The following PRDM15 variants were observed in gnomAD, a reference collection of about 807,000 sequenced individuals.
PRDM15 encodes the protein PR domain zinc finger protein 15.
A neutral mutation model predicts 128.6 loss-of-function variants in PRDM15; 64 were observed. That is an observed-to-expected ratio of 0.50 (90% CI 0.41 to 0.61). The LOEUF is 0.61. Ranked by LOEUF, PRDM15 falls within the 20% of genes least tolerant of loss-of-function variation. PRDM15 has a pLI of 0.00. For missense variants in PRDM15, 1,242 were observed against 1,569.1 expected (o/e 0.79, Z 3.52); for synonymous variants, 615 against 621.8 (o/e 0.99, Z 0.16).
Position 41,823,466 on chromosome 21 carries a change from G to A in PRDM15, c.1630-17C>T, listed in dbSNP as rs187069760. On this transcript the variant is annotated splice_polypyrimidine_tract_variant and intron_variant, in intron 13 of 23. Coordinates refer to ENST00000398548, the MANE Select transcript of PRDM15 (RefSeq NM_001040424.3). ...GGAGAACACCTGTGGCAGAGGAGCCGCATGGTGAGGGGCTGCGGCGTCTCG... is the reference window on the plus strand; with the variant it reads ...GGAGAACACCTGTGGCAGAGGAGCCACATGGTGAGGGGCTGCGGCGTCTCG... 37 of 1,546,850 alleles carry A rather than the reference G, an allele frequency of 2.4e-5. No homozygotes were observed. In the East Asian group the frequency reaches 4.2e-4, roughly 18 times the overall value.
intron 1 of PRDM15, among the ~76,000 whole-genome samples, chr21:41,875,320 C>T (rs1166916680): frequency 6.6e-6 from 1 of 152,280 alleles, no homozygotes; most frequent in Non-Finnish European, 1.5e-5. Context: ...GGCGGCCCCT[C>T]GCCCTGCCAG....
intron 7 of PRDM15, among the ~76,000 whole-genome samples, chr21:41,838,655 C>T (rs368385683): frequency 3.9e-5 from 6 of 152,226 alleles, no homozygotes; most frequent in South Asian, 2.1e-4. Context: ...CTACCTGACA[C>T]GCTTTCCCCC....
chr21:41,867,489 G>A (rs2064053129), intron 1 of PRDM15: 1 of 846,842 alleles, frequency 1.2e-6, no homozygotes, highest in Non-Finnish European at 1.9e-6. Flanking sequence ...CTGGAGCGCA[G>A]TGGTTTTTCA....
chr21:41,823,539 C>T (rs1391910101), intron 13 of PRDM15, 90 bp from the exon 14 acceptor site: 1 of 1,421,204 alleles, frequency 7.0e-7, no homozygotes, highest in Non-Finnish European at 9.4e-7. Context: ...AAACCACAAC[C>T]CGGGACGGAA....
chr21:41,853,370 G>C (rs927866149), intron 5 of PRDM15, among the ~76,000 whole-genome samples: 2 of 152,278 alleles, frequency 1.3e-5, no homozygotes, highest in Admixed American at 6.5e-5. Context: ...AACAATGCTC[G>C]TATGAGAATC....
chr21:41,838,076 G>T lies in PRDM15; in HGVS notation c.872-13C>A. ...TCTGCCACTTGCTCTGTACGAAGGG[G>T]ATGTGACAAGCTAAGTAACCACAAG... On this transcript the variant is annotated splice_polypyrimidine_tract_variant and intron_variant, in intron 7 of 23. Coordinates refer to ENST00000398548, the MANE Select transcript of PRDM15 (RefSeq NM_001040424.3). 1.2e-6 allele frequency: 2 copies of T among 1,612,950 alleles called. No individual in the cohort carries two copies. Among genetic ancestry groups the T allele is most frequent in the Non-Finnish European group, 1.7e-6 (2 of 1,179,494 alleles).
At chr21:41,874,502 C>CATATAT (rs756151491) in intron 1 of PRDM15, among the ~76,000 whole-genome samples, 27 of 118,664 alleles carry the variant, frequency 2.3e-4, no homozygotes, top group Non-Finnish European at 3.1e-4. Flanking sequence ...AAGCAGCATG[C>CATATAT]ATATATATAT....
intron 1 of PRDM15, among the ~76,000 whole-genome samples, chr21:41,865,183 A>ATT (rs1569014640): frequency 8.0e-6 from 1 of 125,718 alleles, no homozygotes; most frequent in Admixed American, 7.9e-5. Context: ...CTCACTCCTC[A>ATT]CTCCCCAGCC....
rs1431788102 is a variant in PRDM15, at chr21:41,811,096, A to C, written c.2393-260T>G. ...AGGCTGTCTGAAAACACAGACAGAAAGTGGAACCCACATGTGGACAAGCAG... is the reference window on the plus strand; with the variant it reads ...AGGCTGTCTGAAAACACAGACAGAACGTGGAACCCACATGTGGACAAGCAG... On this transcript the variant is annotated intron_variant, in intron 19 of 23. Coordinates refer to ENST00000398548, the MANE Select transcript of PRDM15 (RefSeq NM_001040424.3). This position sits in a 1 kb window ranked among gnomAD's most constrained non-coding sequence, Gnocchi z 4.1. 8.5e-6 allele frequency: 4 copies of C among 471,402 alleles called. No individual in the cohort carries two copies. Among genetic ancestry groups the C allele is most frequent in the Non-Finnish European group, 1.2e-5 (3 of 258,738 alleles). The allele number at this position is 471,402 out of a possible 1,614,324, so 29.2% of individuals were successfully genotyped here. A position where few individuals can be genotyped will look rare whatever the true frequency, so the allele number is the denominator to read the frequency against.
chr21:41,847,436 C>T (rs7280772), intron 5 of PRDM15, among the ~76,000 whole-genome samples: 90,625 of 152,016 alleles, frequency 0.6, 27,257 homozygotes, highest in Admixed American at 0.67. Flanking sequence ...GACACGCCTG[C>T]TGCAGGGTCA....
In PRDM15 at chr21:41,801,588, G is replaced by A. The variant is rs1442912463; in HGVS notation, c.3078C>T (p.His1026=). Residue 1026 remains histidine (H), a synonymous_variant, in exon 24 of 24, where the codon CAC becomes CAT. Transcript: ENST00000398548. ...FTNLQPVAVG[H]LTTPERQLQL... ...GTAACTGGCGTTCAGGGGTGGTAAGGTGCCCCACGGCCACCGGCTGGAGAT... is the reference window on the plus strand; with the variant it reads ...GTAACTGGCGTTCAGGGGTGGTAAGATGCCCCACGGCCACCGGCTGGAGAT... The A allele has an allele frequency of 6.2e-7, 1 of 1,614,170 alleles. No homozygotes were observed. Among genetic ancestry groups the A allele is most frequent in the Admixed American group, 1.7e-5 (1 of 60,024 alleles).
rs200375991 is a variant in PRDM15, at chr21:41,859,702, G to A, written c.38-17C>T. ...CTTCACACCCTGCAAGCAGACATCC[G>A]GGCATTAGAGCACCCAGGGAGGGAG... On this transcript the variant is annotated splice_polypyrimidine_tract_variant and intron_variant, in intron 2 of 23. Coordinates refer to ENST00000398548, the MANE Select transcript of PRDM15 (RefSeq NM_001040424.3). This position sits in a 1 kb window ranked among gnomAD's most constrained non-coding sequence, Gnocchi z 5.3. The A allele has an allele frequency of 1.1e-4, 183 of 1,608,272 alleles. No individual in the cohort carries two copies. Among genetic ancestry groups the A allele is most frequent in the African/African-American group, 2.3e-4 (17 of 74,784 alleles).
At chr21:41,861,037 C>T (rs1313166081) in intron 1 of PRDM15, among the ~76,000 whole-genome samples, 2 of 152,130 alleles carry the variant, frequency 1.3e-5, no homozygotes, top group African/African-American at 2.4e-5. Flanking sequence ...GTGGTGTGAT[C>T]AAGGCTCACT....
At position 41,875,993 on chromosome 21, in the gene PRDM15, T is replaced by C. The variant is rs565455003; in HGVS notation, c.-10+3277A>G. On this transcript the variant is annotated intron_variant, in intron 1 of 23. Coordinates refer to ENST00000398548, the MANE Select transcript of PRDM15 (RefSeq NM_001040424.3). ...ACGGCCCAGCCTACGACTCCTAGGC[T>C]GCAAACCTGTACAGCACTTAACTAA... Among the ~76,000 whole-genome samples the C allele has an allele frequency of 2.6e-5, 4 of 152,310 alleles. No individual in the cohort carries two copies. The South Asian group carries it at 8.3e-4, about 32-fold the overall frequency.
At chr21:41,804,254 G>A (rs893065226) in intron 22 of PRDM15, among the ~76,000 whole-genome samples, 4 of 152,186 alleles carry the variant, frequency 2.6e-5, no homozygotes. Context: ...GTGAGCCACC[G>A]CGCCCAGCCA....
rs370999486 is a variant in PRDM15 at position 41,802,661 on chromosome 21, G to A, written c.2943+51C>T. 5.7e-5 allele frequency: 84 copies of A among 1,477,118 alleles called. No individual in the cohort carries two copies. In the African/African-American group the frequency reaches 9.8e-4, roughly 17 times the overall value. 91.5% of individuals were successfully genotyped at this position (1,477,118 alleles called of 1,614,324 possible). A position where few individuals can be genotyped will look rare whatever the true frequency, so the allele number is the denominator to read the frequency against. On this transcript the variant is annotated intron_variant, in intron 23 of 23. Coordinates refer to ENST00000398548, the MANE Select transcript of PRDM15 (RefSeq NM_001040424.3). The stretch of plus-strand genomic sequence containing the variant: ...AGTCACACACACGTAAGGCTCTCAT[G>A]CTTAGGGAAAGTGACCGGCACCTAA...
At chr21:41,831,599 G>C (rs1197772294) in intron 11 of PRDM15, among the ~76,000 whole-genome samples, 1 of 152,220 alleles carries the variant, frequency 6.6e-6, no homozygotes, top group African/African-American at 2.4e-5. Context: ...CCCCGGGAGA[G>C]CCAGGCGCTC....
intron 12 of PRDM15, among the ~76,000 whole-genome samples, chr21:41,827,237 G>A (rs1220682592): frequency 6.6e-6 from 1 of 152,214 alleles, no homozygotes; most frequent in Non-Finnish European, 1.5e-5. Context: ...GAAGAAAAGA[G>A]TTGAGCAAAA....
Position 41,811,886 on chromosome 21 carries a change from G to GTGTTAGCCAGGA in PRDM15, c.2393-1051_2393-1050insTCCTGGCTAACA, listed in dbSNP as rs2061875773. 6.6e-6 allele frequency: 1 copy of GTGTTAGCCAGGA among 152,094 alleles called. No individual in the cohort carries two copies. Among genetic ancestry groups the GTGTTAGCCAGGA allele is most frequent in the African/African-American group, 2.4e-5 (1 of 41,416 alleles). 9.4% of individuals were successfully genotyped at this position (152,094 alleles called of 1,614,324 possible). ...TTTTTAGTAGAGACGGGCTTTCACC[G>GTGTTAGCCAGGA]TGGTCTCGATCTCCTGACCTCGTGA... is the stretch of plus-strand genomic sequence containing the variant. On this transcript the variant is annotated intron_variant, in intron 19 of 23. Coordinates refer to ENST00000398548, the MANE Select transcript of PRDM15 (RefSeq NM_001040424.3). The surrounding 1 kb of genome is among the most constrained non-coding windows in gnomAD (Gnocchi z 4.1).
Sources: gnomAD v4.1 joint callset for allele counts (sites outside exome capture counted in the v4.1 genomes callset) on GRCh38, gnomAD v4.1.1 for gene constraint, Gnocchi (gnomAD v3.1) non-coding constraint, MANE v1.5 for transcripts, NCBI Gene and HGNC (gene_info 2026-07-23, HGNC 2026-07-21) for gene names.